ARHGAP18: variants seen among roughly 807,000 people sequenced by gnomAD.
ARHGAP18 encodes Rho GTPase activating protein 18, also known as rho GTPase-activating protein 18.
Under a neutral mutation model 86.2 loss-of-function variants are expected in ARHGAP18, and 67 were observed. The ratio of observed to expected loss-of-function variants is 0.78; its 90% CI spans 0.64 to 0.95. ARHGAP18 has a LOEUF of 0.95. Among genes scored for constraint, ARHGAP18 ranks in the 40% least tolerant of loss-of-function variants. ARHGAP18 has a pLI of 0.00. For synonymous variants in ARHGAP18, 283 were observed against 280.4 expected (o/e 1.01, Z -0.09); for missense variants, 691 against 780.4 (o/e 0.89, Z 1.37).
At chr6:129,660,286 T>A (rs1296069536) in intron 1 of ARHGAP18, among the ~76,000 whole-genome samples, 1 of 152,166 alleles carries the variant, frequency 6.6e-6, no homozygotes, top group Non-Finnish European at 1.5e-5. Context: ...CGTAAACAGA[T>A]CGCTGAGCGA....
chr6:129,614,221 G>T (rs576073018), intron 7 of ARHGAP18, among the ~76,000 whole-genome samples: 2 of 152,264 alleles, frequency 1.3e-5, no homozygotes, highest in South Asian at 4.1e-4. Context: ...CTAAAGACTG[G>T]TAATGAATCT....
rs568083897 is a variant in ARHGAP18, at chr6:129,628,071, C to G, written c.786+1282G>C. Among the ~76,000 whole-genome samples, 4 of 152,152 alleles carry G rather than the reference C, an allele frequency of 2.6e-5. No homozygotes were observed. The South Asian group carries it at 8.3e-4, about 32-fold the overall frequency. ...GCTAAGTATTTGGGGGTTCAGAATA[C>G]CATTTTTTTAACTTTTGCCTGTGTG... On this transcript the variant is annotated intron_variant, in intron 5 of 14. Coordinates refer to ENST00000368149, the MANE Select transcript of ARHGAP18 (RefSeq NM_033515.3).
intron 12 of ARHGAP18, among the ~76,000 whole-genome samples, chr6:129,596,249 C>A (rs955469554): frequency 6.6e-6 from 1 of 152,122 alleles, no homozygotes; most frequent in Non-Finnish European, 1.5e-5. Flanking sequence ...TTCACACTAC[C>A]GTTCCCTCTG....
At chr6:129,620,569 T>C (rs1789206498) in intron 5 of ARHGAP18, among the ~76,000 whole-genome samples, 1 of 152,246 alleles carries the variant, frequency 6.6e-6, no homozygotes, top group Non-Finnish European at 1.5e-5. Flanking sequence ...TACAATTCCA[T>C]TGTGTTTACC....
In ARHGAP18 at chr6:129,623,002, AAAAC is replaced by A. The variant is rs1159650582; in HGVS notation, c.787-4154_787-4151del. Reference sequence around the variant, plus strand: ...GGCAACAAGAGTGAAACTCCATCTCAAAACAAAAAAAAAAAAAAAAAAAAAGGAA... The same window carrying A: ...GGCAACAAGAGTGAAACTCCATCTCAAAAAAAAAAAAAAAAAAAAAAGGAA... On this transcript the variant is annotated intron_variant, in intron 5 of 14. Transcript: ENST00000368149. Among the ~76,000 whole-genome samples, 126 of 118,720 alleles carry A rather than the reference AAAAC, an allele frequency of 1.1e-3. 6 individuals are homozygous for A. The highest frequency in any genetic ancestry group is 1.3e-3 in the African/African-American group (44 of 33,126). 77.9% of individuals were successfully genotyped at this position (118,720 alleles called of 152,430 possible).
At chr6:129,595,786 G>A (rs146766816) in intron 12 of ARHGAP18, among the ~76,000 whole-genome samples, 4 of 152,180 alleles carry the variant, frequency 2.6e-5, no homozygotes, top group African/African-American at 9.6e-5. Flanking sequence ...CCACTTAAAT[G>A]TCCAATAGAC....
At chr6:129,679,253 T>TC (rs1362372820) in intron 1 of ARHGAP18, among the ~76,000 whole-genome samples, 11 of 152,354 alleles carry the variant, frequency 7.2e-5, no homozygotes, top group African/African-American at 2.4e-4. Flanking sequence ...GATTCTTCAA[T>TC]CAGTCTAAAC....
intron 6 of ARHGAP18, 48 bp downstream of exon 6, chr6:129,618,639 C>T: frequency 1.3e-6 from 2 of 1,523,144 alleles, no homozygotes; most frequent in Non-Finnish European, 1.8e-6. Context: ...CCAAGTCCAT[C>T]CTTGCTATTT....
intron 1 of ARHGAP18, chr6:129,661,962 C>G: frequency 2.1e-6 from 2 of 964,990 alleles, no homozygotes; most frequent in Non-Finnish European, 2.5e-6. Context: ...GTTGTCACTA[C>G]CTGGTGTTGC....
At chr6:129,634,399 T>C (rs755197068) in intron 3 of ARHGAP18, among the ~76,000 whole-genome samples, 29 of 152,168 alleles carry the variant, frequency 1.9e-4, no homozygotes, top group Non-Finnish European at 4.0e-4. Flanking sequence ...AGGACAAACA[T>C]GTTAAAAAAT....
rs781375429 is a variant in ARHGAP18 at position 129,580,068 on chromosome 6, A to G, written c.1900+2T>C. The G allele has an allele frequency of 6.2e-7, 1 of 1,611,448 alleles. No individual in the cohort carries two copies. Among genetic ancestry groups the G allele is most frequent in the East Asian group, 2.2e-5 (1 of 44,770 alleles). Reference sequence around the variant, plus strand: ...AATGTAAAGAGAAAAAAAAGTGCTTACCAATATTTCCTCCAATTTCATACA... The same window carrying G: ...AATGTAAAGAGAAAAAAAAGTGCTTGCCAATATTTCCTCCAATTTCATACA... On this transcript the variant is annotated splice_donor_variant, in intron 14 of 14. Transcript: ENST00000368149. LOFTEE classifies it high-confidence loss of function.
chr6:129,623,281 G>A (rs936053070), intron 5 of ARHGAP18, among the ~76,000 whole-genome samples: 1 of 152,152 alleles, frequency 6.6e-6, no homozygotes, highest in Non-Finnish European at 1.5e-5. Context: ...AGCATGTCAA[G>A]TTACCTCTCT....
intron 6 of ARHGAP18, among the ~76,000 whole-genome samples, chr6:129,617,571 A>G (rs1331779678): frequency 2.0e-5 from 3 of 152,210 alleles, no homozygotes; most frequent in Admixed American, 6.5e-5. Context: ...AAGTCTATTA[A>G]CAGTGATAGC....
At chr6:129,616,828 C>T (rs1178501712) in intron 6 of ARHGAP18, among the ~76,000 whole-genome samples, 1 of 152,038 alleles carries the variant, frequency 6.6e-6, no homozygotes, top group Non-Finnish European at 1.5e-5. Context: ...TGATGGCAGG[C>T]TCCTATAGTC....
At chr6:129,664,945 C>T (rs1256200250) in intron 1 of ARHGAP18, among the ~76,000 whole-genome samples, 2 of 152,116 alleles carry the variant, frequency 1.3e-5, no homozygotes, top group African/African-American at 2.4e-5. Flanking sequence ...AAGGGGATAG[C>T]GGGCAGGGAG....
At chr6:129,599,884 T>C (rs1403077646) in intron 11 of ARHGAP18, among the ~76,000 whole-genome samples, 1 of 152,164 alleles carries the variant, frequency 6.6e-6, no homozygotes, top group African/African-American at 2.4e-5. Flanking sequence ...TTTTAAGGTA[T>C]CAAAATGTAA....
chr6:129,585,307 A>C (rs1383634740), intron 12 of ARHGAP18, among the ~76,000 whole-genome samples: 1 of 150,604 alleles, frequency 6.6e-6, no homozygotes, highest in Non-Finnish European at 1.5e-5. Flanking sequence ...AAATAAAAAT[A>C]AAATAAAATA....
At chr6:129,646,633 T>G (rs1043469456) in intron 1 of ARHGAP18, among the ~76,000 whole-genome samples, 4 of 152,122 alleles carry the variant, frequency 2.6e-5, no homozygotes, top group Non-Finnish European at 4.4e-5. Context: ...CAAATAAAAA[T>G]AGTGAGATGA....
chr6:129,638,460 T>C lies in ARHGAP18; in HGVS notation c.486A>G (p.Lys162=). The C allele has an allele frequency of 6.2e-7, 1 of 1,614,214 alleles. No homozygotes were observed. Among genetic ancestry groups the C allele is most frequent in the Non-Finnish European group, 8.5e-7 (1 of 1,180,040 alleles). Residue 162 remains lysine, a synonymous_variant, in exon 3 of 15, where the codon AAA becomes AAG. Coordinates refer to ENST00000368149, the MANE Select transcript of ARHGAP18 (RefSeq NM_033515.3). ...CGTCAGGAATCTGGTACTGTTTGTT[T>C]TTTTTCCTCAAGGTCTGGGAGACCG... ...VETVSQTLRK[K]NKQYQIPDVR... is the part of the protein sequence containing the mutation.
Sources: gnomAD v4.1 joint callset for allele counts (sites outside exome capture counted in the v4.1 genomes callset) on GRCh38, gnomAD v4.1.1 for gene constraint, MANE v1.5 for transcripts, NCBI Gene and HGNC (gene_info 2026-07-23, HGNC 2026-07-21) for gene names.